Variants in SLIT2 observed in about 807,000 individuals in gnomAD.
SLIT2 encodes the protein slit guidance ligand 2.
In SLIT2, 41 loss-of-function variants were observed where a neutral mutation model predicts 185.7. The ratio of observed to expected loss-of-function variants is 0.22; its 90% confidence interval spans 0.17 to 0.29. The LOEUF (loss-of-function observed/expected upper bound fraction) is 0.29, where lower values mean the gene tolerates loss of function less well. SLIT2 is among the 10% of genes least tolerant of loss of function. The probability of loss-of-function intolerance (pLI) is 1.00; values close to 1 mark genes in which losing one functional copy is unlikely to be tolerated. For missense variants in SLIT2, 1,571 were observed against 1,909.0 expected, an observed-to-expected ratio of 0.82 and a Z score of 3.30; for synonymous variants, 693 against 680.2, an observed-to-expected ratio of 1.02 and a Z score of -0.29.
chr4:20,617,154 G>A lies in SLIT2; in HGVS notation c.4092G>A (p.Gly1364=), dbSNP rs1729724868. The A allele has an allele frequency of 1.2e-6, 2 of 1,606,608 alleles. No homozygotes were observed. The highest frequency in any genetic ancestry group is 1.3e-5 in the African/African-American group (1 of 74,944). ...FTCECQEGWM[G]PLCDQRTNDP... is the part of the protein sequence containing the mutation. ...GCGAGTGCCAGGAAGGATGGATGGGGCCCCTCTGTGACCAACGGACCAATG... is the reference window on the plus strand; with the variant it reads ...GCGAGTGCCAGGAAGGATGGATGGGACCCCTCTGTGACCAACGGACCAATG... Residue 1364 remains glycine, a synonymous_variant, in exon 35 of 37, where the codon GGG becomes GGA. Transcript: ENST00000504154.
chr4:20,607,360 C>G (rs954199947), intron 33 of SLIT2, among the ~76,000 whole-genome samples: 17 of 152,124 alleles, frequency 1.1e-4, no homozygotes, highest in Admixed American at 2.0e-4. Context: ...TAATGATTAT[C>G]TATAGATATC....
intron 4 of SLIT2, among the ~76,000 whole-genome samples, chr4:20,466,558 T>G (rs1289075561): frequency 6.6e-6 from 1 of 152,184 alleles, no homozygotes; most frequent in Non-Finnish European, 1.5e-5. Context: ...CTTCGTTGCT[T>G]AAAACTTGGT....
intron 4 of SLIT2, among the ~76,000 whole-genome samples, chr4:20,378,716 G>A (rs368515806): frequency 6.6e-6 from 1 of 151,918 alleles, no homozygotes; most frequent in Non-Finnish European, 1.5e-5. Flanking sequence ...TTCTTACTAA[G>A]CTAAACATCT....
intron 4 of SLIT2, among the ~76,000 whole-genome samples, chr4:20,296,768 G>A (rs577702955): frequency 1.6e-4 from 24 of 152,280 alleles, no homozygotes; most frequent in African/African-American, 4.3e-4. Flanking sequence ...TCTTTAATGC[G>A]TTTAACTGAA....
chr4:20,357,217 C>A (rs1000134320), intron 4 of SLIT2, among the ~76,000 whole-genome samples: 1 of 152,048 alleles, frequency 6.6e-6, no homozygotes, highest in Non-Finnish European at 1.5e-5. Context: ...AAGTCAGACA[C>A]CTTGATTTGG....
chr4:20,310,188 C>T (rs1717973836), intron 4 of SLIT2, among the ~76,000 whole-genome samples: 1 of 152,142 alleles, frequency 6.6e-6, no homozygotes, highest in African/African-American at 2.4e-5. Context: ...TAATGTTTCT[C>T]ATTGTACACA....
intron 4 of SLIT2, among the ~76,000 whole-genome samples, chr4:20,368,219 C>CAAAAAAAAAAAAAAGAA (rs1723273594): frequency 8.4e-5 from 9 of 107,430 alleles, no homozygotes; most frequent in Admixed American, 3.0e-4. Flanking sequence ...CACAAAATAG[C>CAAAAAAAAAAAAAAGAA]AAAAAAAAAA....
At chr4:20,390,779 A>AATAT (rs1553892678) in intron 4 of SLIT2, among the ~76,000 whole-genome samples, 15 of 142,574 alleles carry the variant, frequency 1.1e-4, no homozygotes, top group African/African-American at 3.2e-4. Flanking sequence ...TTTAAAAAAA[A>AATAT]ATATATATAT....
intron 4 of SLIT2, among the ~76,000 whole-genome samples, chr4:20,417,460 G>GTA (rs1451094312): frequency 3.2e-5 from 3 of 92,610 alleles, no homozygotes; most frequent in Non-Finnish European, 5.1e-5. Context: ...ATATATATAC[G>GTA]TATATATATG....
intron 4 of SLIT2, among the ~76,000 whole-genome samples, chr4:20,320,050 C>T (rs1212655735): frequency 6.6e-6 from 1 of 152,144 alleles, no homozygotes; most frequent in African/African-American, 2.4e-5. Context: ...GGGATGTAGT[C>T]ACTGTACAGT....
chr4:20,527,761 A>G (rs368996709), intron 15 of SLIT2, among the ~76,000 whole-genome samples: 8 of 152,354 alleles, frequency 5.3e-5, no homozygotes, highest in African/African-American at 1.9e-4. Context: ...TAAAGAAAGA[A>G]GGAAGAGAGC....
chr4:20,259,030 G>A (rs943047940), intron 3 of SLIT2, among the ~76,000 whole-genome samples: 20 of 151,472 alleles, frequency 1.3e-4, no homozygotes, highest in Admixed American at 1.1e-3. Context: ...ATCACCTCAA[G>A]TAAAACACAG....
At chr4:20,574,176 G>C (rs184549599) in intron 29 of SLIT2, among the ~76,000 whole-genome samples, 1 of 151,730 alleles carries the variant, frequency 6.6e-6, no homozygotes, top group East Asian at 2.0e-4. Flanking sequence ...GGATGGTCTC[G>C]ATCTCCTGAC....
chr4:20,511,144 A>C lies in SLIT2; in HGVS notation c.1058+7A>C, dbSNP rs1719667196. ...TACGCTCTCTGAATTCACTGTAAGT[A>C]TTCACTGTGTCACTGAAGGAAAAGA... On this transcript the variant is annotated splice_region_variant and intron_variant, in intron 11 of 36. Coordinates refer to ENST00000504154, the MANE Select transcript of SLIT2 (RefSeq NM_004787.4). 1 of 1,565,322 alleles carries C rather than the reference A, an allele frequency of 6.4e-7. No individual in the cohort carries two copies. The highest frequency in any genetic ancestry group is 8.8e-7 in the Non-Finnish European group (1 of 1,139,136).
At position 20,268,937 on chromosome 4, in the gene SLIT2, A is replaced by G. The variant is rs193103113; in HGVS notation, c.395+56A>G. The G allele has an allele frequency of 4.5e-4, 467 of 1,049,054 alleles. 2 individuals carry two copies. The African/African-American group carries it at 6.0e-3, about 14-fold the overall frequency. The allele number at this position is 1,049,054 out of a possible 1,614,324, so 65.0% of individuals were successfully genotyped here. A position where few individuals can be genotyped will look rare whatever the true frequency, so the allele number is the denominator to read the frequency against. On this transcript the variant is annotated intron_variant, in intron 4 of 36. Transcript: ENST00000504154. The stretch of plus-strand genomic sequence containing the variant: ...TGGGTAGTACCTTGTGTTTTATTAA[A>G]TGTATTTTGGATCTGTTTGTGTGTG...
chr4:20,614,026 C>T (rs1729446972), intron 34 of SLIT2, among the ~76,000 whole-genome samples: 1 of 152,116 alleles, frequency 6.6e-6, no homozygotes, highest in African/African-American at 2.4e-5. Flanking sequence ...CGCCTGCTAC[C>T]ACGCCCAGCT....
intron 33 of SLIT2, among the ~76,000 whole-genome samples, chr4:20,598,763 G>A (rs1455008049): frequency 1.3e-5 from 2 of 152,058 alleles, no homozygotes; most frequent in Non-Finnish European, 2.9e-5. Context: ...CAGAAGCCTC[G>A]ACCTTTAATA....
At position 20,567,524 on chromosome 4, in the gene SLIT2, G is replaced by A. The variant is rs1407605377; in HGVS notation, c.2857G>A (p.Asp953Asn). 22 of 1,613,072 alleles carry A rather than the reference G, an allele frequency of 1.4e-5. No individual in the cohort carries two copies. The highest frequency in any genetic ancestry group is 1.9e-5 in the Non-Finnish European group (22 of 1,179,412). ...CTTGCCCCTTCTTCTCCAGGGGCAG[G>A]ACTGTGATGTCCCAATTCATGCCTG... ...CTCPYGFKGQ[D>N]CDVPIHACIS... Residue 953 changes from aspartate to asparagine, a missense_variant, in exon 28 of 37, where the codon GAC (aspartate) becomes AAC (asparagine). Physicochemically the swap from Asp to Asn is conservative, Grantham distance 23. Coordinates refer to ENST00000504154, the MANE Select transcript of SLIT2 (RefSeq NM_004787.4).
intron 4 of SLIT2, among the ~76,000 whole-genome samples, chr4:20,374,193 G>T (rs1295095271): frequency 6.6e-6 from 1 of 151,996 alleles, no homozygotes; most frequent in Non-Finnish European, 1.5e-5. Context: ...ATACATGCAG[G>T]GTGTCTGGAG....
Sources: allele counts gnomAD v4.1 joint callset (sites outside exome capture counted in the v4.1 genomes callset), GRCh38; gene constraint gnomAD v4.1.1; transcripts MANE v1.5; gene names NCBI Gene and HGNC (gene_info 2026-07-23, HGNC 2026-07-21).